INPP4A: variants seen among roughly 807,000 people sequenced by gnomAD.
INPP4A encodes inositol polyphosphate-4-phosphatase type I A.
INPP4A carries 33 observed loss-of-function variants against 119.8 expected under a neutral mutation model. The ratio of observed to expected loss-of-function variants is 0.28; its 90% CI spans 0.21 to 0.37. INPP4A has a LOEUF of 0.37. Ranked by LOEUF, INPP4A falls within the 10% of genes least tolerant of loss-of-function variation. The pLI, the probability that INPP4A is intolerant of heterozygous loss-of-function variation, is 1.00. For missense variants in INPP4A, 956 were observed against 1,289.9 expected (o/e 0.74, Z 3.97); for synonymous variants, 496 against 500.7 (o/e 0.99, Z 0.12).
intron 1 of INPP4A, among the ~76,000 whole-genome samples, chr2:98,511,317 C>T (rs1368861461): frequency 6.6e-6 from 1 of 152,210 alleles, no homozygotes; most frequent in African/African-American, 2.4e-5. Flanking sequence ...CTTGGCCTCC[C>T]AAAGTGCTGG....
intron 1 of INPP4A, among the ~76,000 whole-genome samples, chr2:98,479,052 C>T (rs1677856039): frequency 6.6e-6 from 1 of 152,178 alleles, no homozygotes; most frequent in Non-Finnish European, 1.5e-5. Flanking sequence ...ATAGGTCGGG[C>T]ACTTCCTCCC....
chr2:98,514,347 C>G (rs1205978907), intron 1 of INPP4A, among the ~76,000 whole-genome samples: 2 of 152,140 alleles, frequency 1.3e-5, no homozygotes, highest in African/African-American at 4.8e-5. Flanking sequence ...TTCTTAGAAT[C>G]TCTGGAGCGG....
At chr2:98,463,549 C>T (rs1375478721) in intron 1 of INPP4A, among the ~76,000 whole-genome samples, 1 of 152,258 alleles carries the variant, frequency 6.6e-6, no homozygotes, top group African/African-American at 2.4e-5. Flanking sequence ...TCATTCATCA[C>T]AGGCGAGGTG....
intron 4 of INPP4A, among the ~76,000 whole-genome samples, chr2:98,523,507 G>T (rs1184931735): frequency 6.6e-6 from 1 of 151,446 alleles, no homozygotes; most frequent in Non-Finnish European, 1.5e-5. Context: ...TCATTCTCCT[G>T]CCTCAGCCTC....
chr2:98,523,301 C>T (rs1365982673), intron 4 of INPP4A, among the ~76,000 whole-genome samples: 1 of 152,008 alleles, frequency 6.6e-6, no homozygotes, highest in African/African-American at 2.4e-5. Context: ...GTTAATTGGG[C>T]ACATGGAGGA....
At chr2:98,506,929 A>G (rs1684170806) in intron 1 of INPP4A, among the ~76,000 whole-genome samples, 1 of 152,232 alleles carries the variant, frequency 6.6e-6, no homozygotes, top group Admixed American at 6.5e-5. Context: ...TGTTTCCTGA[A>G]ACAATCTTGA....
At chr2:98,461,638 A>G (rs1424892160) in intron 1 of INPP4A, among the ~76,000 whole-genome samples, 3 of 152,228 alleles carry the variant, frequency 2.0e-5, no homozygotes, top group African/African-American at 7.2e-5. Context: ...CTAGCCATCC[A>G]TGTCCCCTCC....
chr2:98,505,390 TTA>T (rs1683855384), intron 1 of INPP4A, among the ~76,000 whole-genome samples: 1 of 152,096 alleles, frequency 6.6e-6, no homozygotes, highest in African/African-American at 2.4e-5. Context: ...GCCTGACTTT[TTA>T]TGTGTCCAGC....
intron 23 of INPP4A, among the ~76,000 whole-genome samples, chr2:98,576,228 T>C (rs1698393297): frequency 6.6e-6 from 1 of 152,218 alleles, no homozygotes; most frequent in African/African-American, 2.4e-5. Context: ...ATTTGGTGAC[T>C]GTGTGCCTAG....
Position 98,549,041 on chromosome 2 carries a change from C to T in INPP4A, c.1163+2347C>T, listed in dbSNP as rs921756483. On this transcript the variant is annotated intron_variant, in intron 13 of 24. Coordinates refer to ENST00000409851, the MANE Select transcript of INPP4A (RefSeq NM_001134225.2). ...CATGCAGAGAAAGCTTGTGCCATCC[C>T]CACACCTCCTCCTGTGGGCTTCCCC... 7 of 1,433,482 alleles carry T rather than the reference C, an allele frequency of 4.9e-6. No individual in the cohort carries two copies. The Admixed American group carries it at 1.3e-4, about 27-fold the overall frequency. The allele number at this position is 1,433,482 out of a possible 1,614,324, so 88.8% of individuals were successfully genotyped here. A position where few individuals can be genotyped will look rare whatever the true frequency, so the allele number is the denominator to read the frequency against.
intron 10 of INPP4A, among the ~76,000 whole-genome samples, chr2:98,541,721 A>G (rs1691507935): frequency 6.6e-6 from 1 of 152,172 alleles, no homozygotes; most frequent in Non-Finnish European, 1.5e-5. Context: ...AACAGATAGA[A>G]CTACAAGCAC....
Position 98,516,017 on chromosome 2 carries a change from C to T in INPP4A, c.-165-2947C>T, listed in dbSNP as rs142363641. Among the ~76,000 whole-genome samples, 1,010 of 152,148 alleles carry T rather than the reference C, an allele frequency of 6.6e-3. 17 individuals carry two copies. Among genetic ancestry groups the T allele is most frequent in the African/African-American group, 0.023 (945 of 41,510 alleles). The stretch of plus-strand genomic sequence containing the variant: ...GGGTTATTGCTTCTTTTTTCTTGAC[C>T]CCAAGAAAAAATTCCAGCCCCCTAG... On this transcript the variant is annotated intron_variant, in intron 1 of 24. Transcript: ENST00000409851.
chr2:98,581,915 A>G (rs909499713), intron 24 of INPP4A: 2 of 1,171,334 alleles, frequency 1.7e-6, no homozygotes, highest in Non-Finnish European at 2.3e-6. Flanking sequence ...TCTGAACTGT[A>G]AATATCTGCC....
chr2:98,571,794 A>G (rs999195787), intron 22 of INPP4A: 2 of 152,442 alleles, frequency 1.3e-5, no homozygotes, highest in Non-Finnish European at 2.9e-5. Flanking sequence ...GCGAGAAGCC[A>G]AAGTGCATCT....
chr2:98,528,816 G>A (rs777914935), intron 4 of INPP4A, among the ~76,000 whole-genome samples: 4 of 152,150 alleles, frequency 2.6e-5, no homozygotes, highest in African/African-American at 9.7e-5. Context: ...AGTGGCTCAC[G>A]CTTGTAATCC....
chr2:98,457,314 T>C (rs1696291881), intron 1 of INPP4A, among the ~76,000 whole-genome samples: 1 of 152,230 alleles, frequency 6.6e-6, no homozygotes, highest in African/African-American at 2.4e-5. Context: ...CTCTAGCTAC[T>C]TGGGAGACCG....
intron 13 of INPP4A, among the ~76,000 whole-genome samples, chr2:98,551,406 G>C (rs1693493679): frequency 6.6e-6 from 1 of 152,176 alleles, no homozygotes; most frequent in Non-Finnish European, 1.5e-5. Context: ...GCTTGAGTGC[G>C]GTCTGCTGCA....
At chr2:98,539,776 A>G (rs1367098341) in intron 10 of INPP4A, 101 bp downstream of exon 10, 1 of 1,187,232 alleles carries the variant, frequency 8.4e-7, no homozygotes, top group Non-Finnish European at 1.1e-6. Flanking sequence ...GATAGACTGG[A>G]CTGCAAACAC....
intron 1 of INPP4A, among the ~76,000 whole-genome samples, chr2:98,480,379 C>T (rs1042608830): frequency 6.6e-6 from 1 of 152,184 alleles, no homozygotes; most frequent in Non-Finnish European, 1.5e-5. Flanking sequence ...TTCCATTTTG[C>T]AGAGGAGGGA....
Sources: allele counts gnomAD v4.1 joint callset (sites outside exome capture counted in the v4.1 genomes callset), GRCh38; gene constraint gnomAD v4.1.1; transcripts MANE v1.5; gene names NCBI Gene and HGNC (gene_info 2026-07-23, HGNC 2026-07-21).